The following NAV2 variants were observed in gnomAD, a reference collection of about 807,000 sequenced individuals.
The protein encoded by NAV2 is helicase, APC down-regulated 1.
NAV2 carries 54 observed loss-of-function variants against 223.2 expected under a neutral mutation model. That is an observed-to-expected ratio of 0.24 (90% confidence interval 0.19 to 0.30). The LOEUF (loss-of-function observed/expected upper bound fraction) is 0.30, where lower values mean the gene tolerates loss of function less well. Ranked by LOEUF, NAV2 falls within the 10% of genes least tolerant of loss-of-function variation. The pLI is 1.00. For missense variants in NAV2, 2,806 were observed against 3,147.5 expected (o/e 0.89, Z 2.60); for synonymous variants, 1,279 against 1,239.3 (o/e 1.03, Z -0.67).
intron 1 of NAV2, among the ~76,000 whole-genome samples, chr11:19,805,845 G>A (rs1236951033): frequency 6.6e-6 from 1 of 152,160 alleles, no homozygotes; most frequent in East Asian, 1.9e-4. Context: ...AGAACACTGA[G>A]GGTCAAAAGG....
intron 1 of NAV2, among the ~76,000 whole-genome samples, chr11:19,792,005 C>T (rs866854648): frequency 6.6e-6 from 1 of 152,144 alleles, no homozygotes; most frequent in Non-Finnish European, 1.5e-5. Flanking sequence ...CAATGCTGGG[C>T]CCCCATGAGA....
At chr11:19,621,921 C>A (rs2047011052) in intron 1 of NAV2, among the ~76,000 whole-genome samples, 1 of 152,192 alleles carries the variant, frequency 6.6e-6, no homozygotes, top group Non-Finnish European at 1.5e-5. Context: ...GTAAACACTG[C>A]TTTGAATGTG....
chr11:19,716,998 C>G (rs2050364752), intron 1 of NAV2, among the ~76,000 whole-genome samples: 1 of 152,172 alleles, frequency 6.6e-6, no homozygotes, highest in African/African-American at 2.4e-5. Context: ...CAGTCTGGCA[C>G]TAGATCCCAT....
intron 1 of NAV2, among the ~76,000 whole-genome samples, chr11:19,447,774 C>T (rs1433919536): frequency 3.3e-5 from 5 of 152,136 alleles, no homozygotes; most frequent in African/African-American, 4.8e-5. Flanking sequence ...ACTTGTAAGA[C>T]GTGCTGCTTC....
chr11:19,697,265 A>G (rs1162508083), intron 1 of NAV2, among the ~76,000 whole-genome samples: 1 of 152,176 alleles, frequency 6.6e-6, no homozygotes, highest in East Asian at 1.9e-4. Flanking sequence ...AATAGACACT[A>G]GGGATTGCTA....
chr11:20,012,274 T>C (rs913149498), intron 11 of NAV2, among the ~76,000 whole-genome samples: 18 of 152,260 alleles, frequency 1.2e-4, no homozygotes, highest in African/African-American at 4.3e-4. Flanking sequence ...AACTTGAAAC[T>C]ATTAGGTTGG....
intron 12 of NAV2, among the ~76,000 whole-genome samples, chr11:20,038,541 C>T (rs190503786): frequency 6.6e-6 from 1 of 152,222 alleles, no homozygotes; most frequent in Non-Finnish European, 1.5e-5. Context: ...TTCACAGGCT[C>T]CCATCCTCCT....
intron 1 of NAV2, among the ~76,000 whole-genome samples, chr11:19,671,855 A>AGCTC: frequency 6.6e-6 from 1 of 152,302 alleles, no homozygotes; most frequent in South Asian, 2.1e-4. Context: ...GTTTAGGTAA[A>AGCTC]CAAACCTTTA....
At chr11:19,417,557 A>G (rs1218300263) in intron 1 of NAV2, among the ~76,000 whole-genome samples, 1 of 152,248 alleles carries the variant, frequency 6.6e-6, no homozygotes, top group African/African-American at 2.4e-5. Context: ...AGGATCTAGA[A>G]CAAGAAATAC....
chr11:19,676,856 G>A (rs1455942782), intron 1 of NAV2, among the ~76,000 whole-genome samples: 3 of 152,272 alleles, frequency 2.0e-5, no homozygotes, highest in South Asian at 2.1e-4. Context: ...CTCTTTTTAC[G>A]GGGATAAAAG....
rs58178345 is a variant in NAV2 at position 19,831,534 on chromosome 11, C to T, written c.268-950C>T. On this transcript the variant is annotated intron_variant, in intron 1 of 37. Coordinates refer to ENST00000349880, the MANE Select transcript of NAV2 (RefSeq NM_145117.5). Reference sequence around the variant, plus strand: ...AGAGGTGCTGATACCCTAAGGCCTACATGTTCACATATACACTCTTCTGCA... The same window carrying T: ...AGAGGTGCTGATACCCTAAGGCCTATATGTTCACATATACACTCTTCTGCA... Among the ~76,000 whole-genome samples the T allele has an allele frequency of 4.4e-3, 674 of 152,288 alleles. 5 individuals are homozygous for T. Among genetic ancestry groups the T allele is most frequent in the African/African-American group, 0.016 (647 of 41,546 alleles).
intron 1 of NAV2, 135 bp from the exon 2 acceptor site, chr11:19,832,349 A>C: frequency 1.4e-6 from 1 of 701,096 alleles, no homozygotes; most frequent in Non-Finnish European, 2.6e-6. Context: ...CAATGCACTG[A>C]ATTTTAATGG....
At chr11:19,675,521 C>T (rs117017101) in intron 1 of NAV2, among the ~76,000 whole-genome samples, 844 of 152,332 alleles carry the variant, frequency 5.5e-3, no homozygotes, top group Non-Finnish European at 1.0e-2. Flanking sequence ...TGTCTGTGAG[C>T]TCCTGGAGAG....
intron 1 of NAV2, among the ~76,000 whole-genome samples, chr11:19,667,243 T>C (rs1458802794): frequency 6.6e-6 from 1 of 152,232 alleles, no homozygotes; most frequent in Non-Finnish European, 1.5e-5. Context: ...GTTGAACAAT[T>C]ATTCACTGGT....
chr11:20,104,932 C>T (rs190556657), intron 34 of NAV2: 1 of 152,480 alleles, frequency 6.6e-6, no homozygotes, highest in African/African-American at 2.4e-5. Flanking sequence ...AGCATCACCC[C>T]ACTCCTGACC....
At chr11:20,036,941 T>C (rs1262571843) in intron 12 of NAV2, among the ~76,000 whole-genome samples, 3 of 152,200 alleles carry the variant, frequency 2.0e-5, no homozygotes, top group Non-Finnish European at 4.4e-5. Flanking sequence ...TAGTTTCATG[T>C]GGACACGTTC....
In NAV2 at chr11:19,896,088, C is replaced by G. The variant is rs985761639; in HGVS notation, c.931+3494C>G. Among the ~76,000 whole-genome samples, 5 of 152,092 alleles carry G rather than the reference C, an allele frequency of 3.3e-5. 1 individual carries two copies. Among genetic ancestry groups the G allele is most frequent in the Admixed American group, 3.3e-4 (5 of 15,278 alleles). On this transcript the variant is annotated intron_variant, in intron 6 of 37. Coordinates refer to ENST00000349880, the MANE Select transcript of NAV2 (RefSeq NM_145117.5). ...ACCCCTGCTCCTTCACCGAAGCCTT[C>G]CTGTAAGTGAGTCAGACTCTGACTG...
chr11:19,365,718 T>C (rs1330678415), intron 1 of NAV2, among the ~76,000 whole-genome samples: 1 of 152,260 alleles, frequency 6.6e-6, no homozygotes, highest in Non-Finnish European at 1.5e-5. Context: ...TCAGTGTATT[T>C]AAAGAGGCTT....
chr11:19,934,355 G>A, intron 7 of NAV2, 78 bp downstream of exon 7: 2 of 1,456,630 alleles, frequency 1.4e-6, no homozygotes, highest in Non-Finnish European at 1.8e-6. Context: ...GTCTGTAAGG[G>A]CAGAAGCTAG....
Sources: allele counts gnomAD v4.1 joint callset (sites outside exome capture counted in the v4.1 genomes callset), GRCh38; gene constraint gnomAD v4.1.1; transcripts MANE v1.5; gene names NCBI Gene and HGNC (gene_info 2026-07-23, HGNC 2026-07-21).